The following KIAA1671 variants were observed in gnomAD, a reference collection of about 807,000 sequenced individuals.
KIAA1671 encodes uncharacterized protein KIAA1671.
KIAA1671 carries 52 observed loss-of-function variants against 131.2 expected under a neutral mutation model. The observed-to-expected ratio is 0.40, with a 90% CI of 0.32 to 0.50. The LOEUF (loss-of-function observed/expected upper bound fraction) is 0.50. Among genes scored for constraint, KIAA1671 ranks in the 20% least tolerant of loss-of-function variants. The pLI is 0.73. For missense variants in KIAA1671, 2,360 were observed against 2,364.2 expected (o/e 1.00, Z 0.04); for synonymous variants, 1,003 against 961.6 (o/e 1.04, Z -0.80).
At chr22:24,973,318 C>G (rs1028471539) in intron 1 of KIAA1671, among the ~76,000 whole-genome samples, 52 of 150,700 alleles carry the variant, frequency 3.5e-4, no homozygotes, top group African/African-American at 1.2e-3. Context: ...CAGGAAAGGA[C>G]AGTCCTCCCC....
chr22:25,062,989 G>A (rs1183166356), intron 6 of KIAA1671: 1 of 152,088 alleles, frequency 6.6e-6, no homozygotes, highest in African/African-American at 2.4e-5. Context: ...GCTGGCCCCA[G>A]TTTGGGCTCC....
chr22:24,989,376 C>T (rs1923715992), intron 1 of KIAA1671, among the ~76,000 whole-genome samples: 1 of 152,184 alleles, frequency 6.6e-6, no homozygotes, highest in South Asian at 2.1e-4. Context: ...ATTGAGGTCT[C>T]AGCTCACATG....
intron 6 of KIAA1671, among the ~76,000 whole-genome samples, chr22:25,133,795 A>T (rs1932554935): frequency 6.6e-6 from 1 of 152,138 alleles, no homozygotes. Context: ...CGATCCTCCC[A>T]CCATGGCCTC....
chr22:25,025,075 A>G (rs1925860140), intron 1 of KIAA1671, among the ~76,000 whole-genome samples: 2 of 62,710 alleles, frequency 3.2e-5, no homozygotes, highest in African/African-American at 5.5e-5. Flanking sequence ...ACAATGTCCA[A>G]ATACCGCTAA....
chr22:25,143,838 G>C (rs1383932194), intron 6 of KIAA1671, among the ~76,000 whole-genome samples: 2 of 152,102 alleles, frequency 1.3e-5, no homozygotes, highest in Non-Finnish European at 2.9e-5. Flanking sequence ...TTGAGCAAGT[G>C]AATTAACCTC....
At chr22:25,004,169 G>T (rs1411534475) in intron 1 of KIAA1671, among the ~76,000 whole-genome samples, 1 of 149,266 alleles carries the variant, frequency 6.7e-6, no homozygotes, top group Non-Finnish European at 1.5e-5. Context: ...AAGGTGTTGT[G>T]CAGTGGTTTT....
At chr22:25,094,686 C>T (rs926502641) in intron 6 of KIAA1671, among the ~76,000 whole-genome samples, 3 of 152,136 alleles carry the variant, frequency 2.0e-5, no homozygotes, top group Non-Finnish European at 4.4e-5. Context: ...GAAAATATGT[C>T]ATGTGCCTTG....
chr22:25,068,597 C>T (rs2145846025), intron 6 of KIAA1671, among the ~76,000 whole-genome samples: 1 of 152,268 alleles, frequency 6.6e-6, no homozygotes, highest in South Asian at 2.1e-4. Context: ...CCTCCGCGGC[C>T]GGCTAATTTT....
At chr22:24,960,192 T>C (rs1020993081) in intron 1 of KIAA1671, among the ~76,000 whole-genome samples, 8 of 151,694 alleles carry the variant, frequency 5.3e-5, no homozygotes, top group Non-Finnish European at 1.5e-5. Context: ...ATTTCACACG[T>C]GAATTAAAAA....
At chr22:25,070,345 C>G in intron 6 of KIAA1671, 2 of 471,514 alleles carry the variant, frequency 4.2e-6, no homozygotes, top group Non-Finnish European at 7.9e-6. Flanking sequence ...GTGCTCACCA[C>G]ATAACCTCTG....
At position 25,196,570 on chromosome 22, in the gene KIAA1671, G is replaced by A. The variant is rs1029849110; in HGVS notation, c.*4169G>A. 6.6e-6 allele frequency: 1 copy of A among 152,054 alleles called. No homozygotes were observed. The highest frequency in any genetic ancestry group is 2.4e-5 in the African/African-American group (1 of 41,368). 9.4% of individuals were successfully genotyped at this position (152,054 alleles called of 1,614,324 possible). A position where few individuals can be genotyped will look rare whatever the true frequency, so the allele number is the denominator to read the frequency against. On this transcript the variant is annotated 3_prime_UTR_variant, in exon 13 of 13. Transcript: ENST00000358431. Reference sequence around the variant, plus strand: ...TCATCTCCACCTCCAGAGTAGCCTAGATGACAGGCGCACATCACCACGCCC... The same window carrying A: ...TCATCTCCACCTCCAGAGTAGCCTAAATGACAGGCGCACATCACCACGCCC...
rs376646093 is a variant in KIAA1671 at position 25,137,945 on chromosome 22, C to G, written c.4531-32875C>G. Reference sequence around the variant, plus strand: ...AATTAGAACCGAGGCCTGTTTATCTCAAAAGTTCCTCCACTTAAATATGCC... The same window carrying G: ...AATTAGAACCGAGGCCTGTTTATCTGAAAAGTTCCTCCACTTAAATATGCC... On this transcript the variant is annotated intron_variant, in intron 6 of 12. Coordinates refer to ENST00000358431, the MANE Select transcript of KIAA1671 (RefSeq NM_001145206.2). 7.9e-5 allele frequency among the ~76,000 whole-genome samples: 12 copies of G among 152,274 alleles called. No individual in the cohort carries two copies. The East Asian group carries it at 1.4e-3, about 17-fold the overall frequency.
Position 25,185,185 on chromosome 22 carries a change from C to T in KIAA1671, c.5342+66C>T, listed in dbSNP as rs994819017. ...CTCAGGCTATACTTCTAGAGAGGTG[C>T]TCGCATAGGTTTTAGAGCTGAATAG... On this transcript the variant is annotated intron_variant, in intron 11 of 12. Coordinates refer to ENST00000358431, the MANE Select transcript of KIAA1671 (RefSeq NM_001145206.2). 4.9e-6 allele frequency: 7 copies of T among 1,438,648 alleles called. No individual in the cohort carries two copies. In the South Asian group the frequency reaches 8.6e-5, roughly 18 times the overall value. The allele number at this position is 1,438,648 out of a possible 1,614,324, so 89.1% of individuals were successfully genotyped here.
intron 6 of KIAA1671, among the ~76,000 whole-genome samples, chr22:25,078,874 A>G (rs376571271): frequency 6.6e-6 from 1 of 152,284 alleles, no homozygotes; most frequent in South Asian, 2.1e-4. Context: ...AGACCCAGTC[A>G]TGGAGGCAAA....
chr22:24,974,685 C>CT (rs34171375), intron 1 of KIAA1671, among the ~76,000 whole-genome samples: 6,494 of 81,254 alleles, frequency 0.08, 529 homozygotes, highest in Non-Finnish European at 0.097. Flanking sequence ...CAGCTCACCT[C>CT]TTTTTTTTTT....
chr22:25,005,720 G>A lies in KIAA1671; in HGVS notation c.-207-19913G>A, dbSNP rs538798009. Reference sequence around the variant, plus strand: ...CAAAGGTCATACATAGTTCCTTCCCGTGGGGGAGTAATTTGTGGTTAAATT... The same window carrying A: ...CAAAGGTCATACATAGTTCCTTCCCATGGGGGAGTAATTTGTGGTTAAATT... On this transcript the variant is annotated intron_variant, in intron 1 of 12. Coordinates refer to ENST00000358431, the MANE Select transcript of KIAA1671 (RefSeq NM_001145206.2). Among the ~76,000 whole-genome samples the A allele has an allele frequency of 7.2e-5, 11 of 152,308 alleles. 1 individual carries two copies. Among genetic ancestry groups the A allele is most frequent in the South Asian group, 6.2e-4 (3 of 4,828 alleles).
At chr22:25,156,909 C>G (rs1308340370) in intron 6 of KIAA1671, among the ~76,000 whole-genome samples, 2 of 152,178 alleles carry the variant, frequency 1.3e-5, no homozygotes, top group Admixed American at 6.5e-5. Flanking sequence ...CACCCAGCGC[C>G]CTGCCTCCTC....
At chr22:25,143,459 A>C (rs1344754945) in intron 6 of KIAA1671, among the ~76,000 whole-genome samples, 3 of 152,352 alleles carry the variant, frequency 2.0e-5, no homozygotes, top group East Asian at 3.9e-4. Flanking sequence ...AATTCGTATA[A>C]AATAAAAACA....
At chr22:25,109,479 G>A (rs1439479376) in intron 6 of KIAA1671, among the ~76,000 whole-genome samples, 1 of 152,056 alleles carries the variant, frequency 6.6e-6, no homozygotes, top group African/African-American at 2.4e-5. Context: ...CTAACCACAC[G>A]GACCAACCTT....
Sources: gnomAD v4.1 joint callset for allele counts (sites outside exome capture counted in the v4.1 genomes callset) on GRCh38, gnomAD v4.1.1 for gene constraint, MANE v1.5 for transcripts, NCBI Gene and HGNC (gene_info 2026-07-23, HGNC 2026-07-21) for gene names.